The following GPC5 variants were observed in gnomAD, a reference collection of about 807,000 sequenced individuals.
GPC5 encodes the protein glypican-5.
Under a neutral mutation model 53.9 loss-of-function variants are expected in GPC5, and 47 were observed. The ratio of observed to expected loss-of-function variants is 0.87; its 90% CI spans 0.69 to 1.11. The LOEUF (loss-of-function observed/expected upper bound fraction) is 1.11. GPC5 is among the 50% of genes most tolerant of loss of function. The probability of loss-of-function intolerance (pLI) is 0.00; values close to 1 mark genes in which losing one functional copy is unlikely to be tolerated. For synonymous variants in GPC5, 286 were observed against 263.3 expected (o/e 1.09, Z -0.84); for missense variants, 748 against 713.1 (o/e 1.05, Z -0.56).
intron 7 of GPC5, among the ~76,000 whole-genome samples, chr13:92,201,001 ACACACACACG>A (rs1226541654): frequency 1.2e-5 from 1 of 81,424 alleles, no homozygotes; most frequent in Non-Finnish European, 2.7e-5. Context: ...ACACACACAC[ACACACACACG>A]CACACACACG....
At chr13:91,848,214 A>G (rs542642478) in intron 5 of GPC5, among the ~76,000 whole-genome samples, 2 of 152,378 alleles carry the variant, frequency 1.3e-5, no homozygotes, top group East Asian at 1.9e-4. Flanking sequence ...CCTTGAAAAC[A>G]TAACTTGCTC....
At chr13:92,456,904 C>T (rs1878289498) in intron 7 of GPC5, among the ~76,000 whole-genome samples, 1 of 152,198 alleles carries the variant, frequency 6.6e-6, no homozygotes, top group South Asian at 2.1e-4. Context: ...GTTACATGAG[C>T]ACCTAGCATG....
chr13:92,286,136 T>G (rs935529066), intron 7 of GPC5, among the ~76,000 whole-genome samples: 1 of 152,088 alleles, frequency 6.6e-6, no homozygotes, highest in African/African-American at 2.4e-5. Context: ...CGTGAAAAAA[T>G]GCTCATCATC....
At chr13:91,482,370 C>T (rs771483721) in intron 2 of GPC5, among the ~76,000 whole-genome samples, 9 of 152,122 alleles carry the variant, frequency 5.9e-5, no homozygotes, top group Admixed American at 6.5e-5. Context: ...TCATGGACTT[C>T]CCAGCCTCTA....
intron 3 of GPC5, among the ~76,000 whole-genome samples, chr13:91,711,400 A>T (rs548050071): frequency 9.9e-5 from 15 of 152,182 alleles, no homozygotes; most frequent in African/African-American, 2.6e-4. Flanking sequence ...TGGGAATTGA[A>T]CAATGAGAAC....
chr13:92,772,271 T>G (rs1220581964), intron 7 of GPC5, among the ~76,000 whole-genome samples: 1 of 152,152 alleles, frequency 6.6e-6, no homozygotes, highest in Non-Finnish European at 1.5e-5. Flanking sequence ...ATGATAATCC[T>G]CTACTCAGAA....
chr13:91,726,068 C>T (rs56218900), intron 3 of GPC5, among the ~76,000 whole-genome samples: 26,697 of 152,032 alleles, frequency 0.18, 2,572 homozygotes, highest in East Asian at 0.34. Flanking sequence ...GAACATACAG[C>T]GAACATACTT....
intron 6 of GPC5, among the ~76,000 whole-genome samples, chr13:92,054,360 T>G: frequency 6.6e-6 from 1 of 152,302 alleles, no homozygotes; most frequent in African/African-American, 2.4e-5. Flanking sequence ...TCTCACTTCT[T>G]CATGACTTGA....
At chr13:91,405,766 A>C (rs9523328) in intron 1 of GPC5, among the ~76,000 whole-genome samples, 116,691 of 152,020 alleles carry the variant, frequency 0.77, 45,090 homozygotes, top group Admixed American at 0.81. Flanking sequence ...TCTCTTGTCA[A>C]CCTATTGAAA....
At chr13:92,794,881 A>G (rs755789657) in intron 7 of GPC5, among the ~76,000 whole-genome samples, 7 of 152,144 alleles carry the variant, frequency 4.6e-5, no homozygotes, top group Non-Finnish European at 8.8e-5. Context: ...AATGAAATAA[A>G]AAAGGACACA....
chr13:92,541,554 C>T (rs1185116275), intron 7 of GPC5, among the ~76,000 whole-genome samples: 3 of 150,810 alleles, frequency 2.0e-5, no homozygotes, highest in Admixed American at 6.6e-5. Context: ...ACATTGTTAA[C>T]ACCCTGCTCT....
chr13:92,490,040 A>T (rs761098165), intron 7 of GPC5: 4 of 153,054 alleles, frequency 2.6e-5, no homozygotes, highest in Non-Finnish European at 5.9e-5. Context: ...GTCTGTTTAC[A>T]TACTCTTCTT....
rs144807574 is a variant in GPC5 at position 92,142,755 on chromosome 13, C to A, written c.1402-2075C>A. 1.6e-3 allele frequency among the ~76,000 whole-genome samples: 248 copies of A among 151,950 alleles called. 1 individual carries two copies. The highest frequency in any genetic ancestry group is 5.6e-3 in the African/African-American group (232 of 41,420). On this transcript the variant is annotated intron_variant, in intron 6 of 7. Coordinates refer to ENST00000377067, the MANE Select transcript of GPC5 (RefSeq NM_004466.6). ...TGAGAGTCCATCTGTGTTCTTGCCA[C>A]GATCCCAGTAAAATATTGGAATAAT...
intron 6 of GPC5, among the ~76,000 whole-genome samples, chr13:92,040,092 T>C (rs1482348637): frequency 2.0e-5 from 3 of 152,224 alleles, no homozygotes; most frequent in Non-Finnish European, 4.4e-5. Context: ...GTAATTAAAA[T>C]GAGCCTCTTA....
intron 2 of GPC5, among the ~76,000 whole-genome samples, chr13:91,569,802 A>G (rs931428741): frequency 2.6e-5 from 4 of 152,222 alleles, no homozygotes; most frequent in African/African-American, 9.6e-5. Context: ...TCTACCTTGC[A>G]CTATGTGAGG....
intron 3 of GPC5, among the ~76,000 whole-genome samples, chr13:91,724,194 T>C (rs371452347): frequency 6.6e-6 from 1 of 152,238 alleles, no homozygotes; most frequent in East Asian, 1.9e-4. Context: ...TTATTTAATA[T>C]AATGGAGCAC....
At position 91,992,560 on chromosome 13, in the gene GPC5, C is replaced by T. The variant is rs1041130478; in HGVS notation, c.1401+84503C>T. Among the ~76,000 whole-genome samples the T allele has an allele frequency of 6.1e-4, 92 of 151,314 alleles. 1 individual carries two copies. Among genetic ancestry groups the T allele is most frequent in the African/African-American group, 7.8e-4 (32 of 41,136 alleles). On this transcript the variant is annotated intron_variant, in intron 6 of 7. Coordinates refer to ENST00000377067, the MANE Select transcript of GPC5 (RefSeq NM_004466.6). ...GCAACCTTTGCCTTCCAGGTTCAAG[C>T]GATTCTCCTGCCTCAGCCTGCCAAG... is the stretch of plus-strand genomic sequence containing the variant.
intron 1 of GPC5, among the ~76,000 whole-genome samples, chr13:91,430,748 A>G (rs1317985177): frequency 1.3e-5 from 2 of 152,064 alleles, no homozygotes; most frequent in Non-Finnish European, 2.9e-5. Context: ...ATTTTTGCCA[A>G]TTTGGGTTAG....
rs546842584 is a variant in GPC5, at chr13:92,554,699, TAAAC to T, written c.1562-311579_1562-311576del. ...AAGAGAAAAACTATACAACTAAAGATAAACAAAATATATGAAACATTATATAAAA... is the reference window on the plus strand; with the variant it reads ...AAGAGAAAAACTATACAACTAAAGATAAAATATATGAAACATTATATAAAA... On this transcript the variant is annotated intron_variant, in intron 7 of 7. Coordinates refer to ENST00000377067, the MANE Select transcript of GPC5 (RefSeq NM_004466.6). Among the ~76,000 whole-genome samples the T allele has an allele frequency of 4.3e-3, 657 of 151,178 alleles. 2 individuals carry two copies. The highest frequency in any genetic ancestry group is 0.015 in the African/African-American group (615 of 41,462).
Sources: allele counts gnomAD v4.1 joint callset (sites outside exome capture counted in the v4.1 genomes callset), GRCh38; gene constraint gnomAD v4.1.1; transcripts MANE v1.5; gene names NCBI Gene and HGNC (gene_info 2026-07-23, HGNC 2026-07-21).